ADAMTSL1: variants seen among roughly 807,000 people sequenced by gnomAD.
The protein encoded by ADAMTSL1 is ADAMTS-like protein 1.
In ADAMTSL1, 126 loss-of-function variants were observed where a neutral mutation model predicts 201.8. That is an observed-to-expected ratio of 0.62 (90% CI 0.54 to 0.72). The LOEUF (loss-of-function observed/expected upper bound fraction) is 0.72. Among genes scored for constraint, ADAMTSL1 ranks in the 30% least tolerant of loss-of-function variants. The probability of loss-of-function intolerance (pLI) is 0.00; values close to 1 mark genes in which losing one functional copy is unlikely to be tolerated. For missense variants in ADAMTSL1, 2,679 were observed against 2,277.8 expected (o/e 1.18, Z -3.59); for synonymous variants, 1,121 against 903.4 (o/e 1.24, Z -4.32).
intron 3 of ADAMTSL1, among the ~76,000 whole-genome samples, chr9:18,565,545 C>G (rs1821829741): frequency 6.7e-6 from 1 of 149,296 alleles, no homozygotes; most frequent in Non-Finnish European, 1.5e-5. Flanking sequence ...ATATGGTGCC[C>G]TAAGCCATTT....
At chr9:18,601,111 TAG>T (rs1824620896) in intron 4 of ADAMTSL1, among the ~76,000 whole-genome samples, 1 of 152,220 alleles carries the variant, frequency 6.6e-6, no homozygotes. Flanking sequence ...CATTTCCTAA[TAG>T]AGTTTCCTTC....
At chr9:18,841,365 A>C (rs1395607325) in intron 23 of ADAMTSL1, among the ~76,000 whole-genome samples, 13 of 152,118 alleles carry the variant, frequency 8.5e-5, no homozygotes, top group African/African-American at 2.2e-4. Flanking sequence ...ATTGAACCAG[A>C]CTTGCATCCC....
At chr9:17,966,758 C>A (rs1025258573) in intron 1 of ADAMTSL1, among the ~76,000 whole-genome samples, 2 of 152,080 alleles carry the variant, frequency 1.3e-5, no homozygotes, top group Non-Finnish European at 2.9e-5. Flanking sequence ...CTAATTCTAG[C>A]ATTTCTTTTT....
intron 3 of ADAMTSL1, among the ~76,000 whole-genome samples, chr9:18,572,598 A>G (rs902681839): frequency 2.6e-5 from 4 of 151,520 alleles, no homozygotes; most frequent in Non-Finnish European, 4.4e-5. Flanking sequence ...GAACAATTTC[A>G]TGTTCATCCT....
At chr9:18,035,178 G>A (rs1310790922) in intron 1 of ADAMTSL1, among the ~76,000 whole-genome samples, 1 of 152,196 alleles carries the variant, frequency 6.6e-6, no homozygotes, top group East Asian at 1.9e-4. Flanking sequence ...CATAAAGAGA[G>A]CTTTAAAATT....
At chr9:18,393,772 C>T (rs1817628876) in intron 2 of ADAMTSL1, among the ~76,000 whole-genome samples, 1 of 152,076 alleles carries the variant, frequency 6.6e-6, no homozygotes, top group African/African-American at 2.4e-5. Context: ...TGTTAAATGC[C>T]CCAGTATTCC....
At chr9:18,741,988 C>A (rs559222965) in intron 15 of ADAMTSL1, among the ~76,000 whole-genome samples, 2 of 152,280 alleles carry the variant, frequency 1.3e-5, no homozygotes, top group East Asian at 3.9e-4. Context: ...TTCTACAATA[C>A]TTACTATGTG....
At chr9:18,713,076 C>T (rs894564156) in intron 14 of ADAMTSL1, among the ~76,000 whole-genome samples, 31 of 151,520 alleles carry the variant, frequency 2.0e-4, no homozygotes, top group African/African-American at 7.3e-4. Context: ...ACCAGGCCTG[C>T]CCTAAAAGAG....
chr9:18,724,370 C>T (rs1056301856), intron 15 of ADAMTSL1, among the ~76,000 whole-genome samples: 19 of 152,304 alleles, frequency 1.2e-4, no homozygotes, highest in South Asian at 4.1e-4. Context: ...TTAAACTTGG[C>T]TTCTCTTGAC....
At chr9:18,090,900 A>G (rs1823983164) in intron 1 of ADAMTSL1, among the ~76,000 whole-genome samples, 1 of 152,046 alleles carries the variant, frequency 6.6e-6, no homozygotes, top group Non-Finnish European at 1.5e-5. Context: ...TGTTCCTCAT[A>G]ACCACATGAC....
intron 2 of ADAMTSL1, among the ~76,000 whole-genome samples, chr9:18,364,284 C>A (rs1347582317): frequency 6.6e-6 from 1 of 152,142 alleles, no homozygotes; most frequent in African/African-American, 2.4e-5. Flanking sequence ...ACATCCTAAT[C>A]TTCCTTGTCT....
At position 18,398,143 on chromosome 9, in the gene ADAMTSL1, T is replaced by C. The variant is rs532286144; in HGVS notation, c.208-106686T>C. On this transcript the variant is annotated intron_variant, in intron 2 of 29. Coordinates refer to the ADAMTSL1 transcript ENST00000680146. The stretch of plus-strand genomic sequence containing the variant: ...GAGCCACAATAGACTATCATCTTAC[T>C]AAATTTCTCAAATTAAATAGAATCA... Among the ~76,000 whole-genome samples, 5 of 152,304 alleles carry C rather than the reference T, an allele frequency of 3.3e-5. No individual in the cohort carries two copies. The South Asian group carries it at 1.0e-3, about 32-fold the overall frequency.
chr9:18,569,973 G>C (rs762723130), intron 3 of ADAMTSL1, among the ~76,000 whole-genome samples: 2 of 152,038 alleles, frequency 1.3e-5, no homozygotes, highest in Non-Finnish European at 2.9e-5. Context: ...GCATCAAAAA[G>C]CATCTCTCCA....
chr9:18,729,471 T>C (rs970917027), intron 15 of ADAMTSL1, among the ~76,000 whole-genome samples: 1 of 152,232 alleles, frequency 6.6e-6, no homozygotes, highest in African/African-American at 2.4e-5. Context: ...GGTGAAAGCA[T>C]TCAGGCAGCA....
chr9:18,416,708 T>A (rs1033505570), intron 2 of ADAMTSL1, among the ~76,000 whole-genome samples: 1 of 151,702 alleles, frequency 6.6e-6, no homozygotes, highest in African/African-American at 2.4e-5. Context: ...GATAGAGGAG[T>A]CAATACATTA....
At chr9:18,642,280 G>A (rs61594226) in intron 7 of ADAMTSL1, among the ~76,000 whole-genome samples, 10 of 128,596 alleles carry the variant, frequency 7.8e-5, no homozygotes, top group African/African-American at 1.1e-4. Flanking sequence ...ATTGAAACAA[G>A]TTCTCTTTTA....
intron 4 of ADAMTSL1, among the ~76,000 whole-genome samples, chr9:18,605,013 A>T (rs1327701183): frequency 6.6e-6 from 1 of 152,160 alleles, no homozygotes; most frequent in African/African-American, 2.4e-5. Context: ...AGACATGCTC[A>T]CTGTAGTGGA....
At chr9:18,528,115 T>G (rs1819208007) in intron 2 of ADAMTSL1, among the ~76,000 whole-genome samples, 2 of 152,174 alleles carry the variant, frequency 1.3e-5, no homozygotes, top group Non-Finnish European at 2.9e-5. Context: ...TGACCTCACA[T>G]GATCCACCTG....
At chr9:18,551,416 T>C (rs1053829857) in intron 3 of ADAMTSL1, among the ~76,000 whole-genome samples, 4 of 152,042 alleles carry the variant, frequency 2.6e-5, no homozygotes, top group Middle Eastern at 3.4e-3. Context: ...GGGACATGTT[T>C]CTTCTTTTCT....
Sources: allele counts gnomAD v4.1 joint callset (sites outside exome capture counted in the v4.1 genomes callset), GRCh38; gene constraint gnomAD v4.1.1; transcripts MANE v1.5; gene names NCBI Gene and HGNC (gene_info 2026-07-23, HGNC 2026-07-21).